Variants in PHACTR3 observed in about 807,000 individuals in gnomAD.
The protein encoded by PHACTR3 is phosphatase and actin regulator 3.
A neutral mutation model predicts 66.8 loss-of-function variants in PHACTR3; 16 were observed. The observed-to-expected ratio is 0.24, with a 90% CI of 0.16 to 0.36. The LOEUF (loss-of-function observed/expected upper bound fraction) is 0.36, where lower values mean the gene tolerates loss of function less well. Among genes scored for constraint, PHACTR3 ranks in the 10% least tolerant of loss-of-function variants. PHACTR3 has a pLI of 1.00. For synonymous variants in PHACTR3, 323 were observed against 292.1 expected, an observed-to-expected ratio of 1.11 and a Z score of -1.08; for missense variants, 647 against 719.9, an observed-to-expected ratio of 0.90 and a Z score of 1.16.
At chr20:59,629,026 C>T (rs1403792550) in intron 1 of PHACTR3, among the ~76,000 whole-genome samples, 1 of 152,184 alleles carries the variant, frequency 6.6e-6, no homozygotes, top group Non-Finnish European at 1.5e-5. Flanking sequence ...CGAATTCCAC[C>T]AGGTTTTGCA....
At chr20:59,662,460 A>G (rs1296524676) in intron 1 of PHACTR3, among the ~76,000 whole-genome samples, 1 of 152,054 alleles carries the variant, frequency 6.6e-6, no homozygotes, top group Non-Finnish European at 1.5e-5. Flanking sequence ...AGCAGGAGAG[A>G]GCAGGATGTA....
chr20:59,841,677 T>C, intron 11 of PHACTR3, 142 bp downstream of exon 11: 1 of 905,256 alleles, frequency 1.1e-6, no homozygotes, highest in Non-Finnish European at 1.6e-6. Flanking sequence ...TTCTCAAAGA[T>C]AATTCAGGGT....
At chr20:59,747,109 AAG>A (rs2039399401) in intron 2 of PHACTR3, among the ~76,000 whole-genome samples, 1 of 152,212 alleles carries the variant, frequency 6.6e-6, no homozygotes, top group African/African-American at 2.4e-5. Flanking sequence ...GCCGTCGCTC[AAG>A]AGTGTTTTGC....
intron 1 of PHACTR3, among the ~76,000 whole-genome samples, chr20:59,609,543 C>T (rs2033786966): frequency 6.6e-6 from 1 of 150,438 alleles, no homozygotes; most frequent in Non-Finnish European, 1.5e-5. Flanking sequence ...AACCTCAACA[C>T]TGAGTCTTGG....
At chr20:59,835,058 A>G (rs1482766984) in intron 8 of PHACTR3, among the ~76,000 whole-genome samples, 5 of 152,204 alleles carry the variant, frequency 3.3e-5, no homozygotes. Flanking sequence ...GCTCTAGACT[A>G]TGAGCTTCCC....
intron 7 of PHACTR3, among the ~76,000 whole-genome samples, chr20:59,788,700 T>C (rs1216196044): frequency 6.6e-6 from 1 of 152,174 alleles, no homozygotes; most frequent in East Asian, 1.9e-4. Context: ...TTGTCCACTG[T>C]CCCTGCAGAG....
At chr20:59,807,436 C>T (rs528312410) in intron 8 of PHACTR3, among the ~76,000 whole-genome samples, 4 of 152,328 alleles carry the variant, frequency 2.6e-5, no homozygotes, top group East Asian at 1.9e-4. Context: ...GCTGTCATCT[C>T]CTATGAGAAC....
intron 1 of PHACTR3, among the ~76,000 whole-genome samples, chr20:59,684,288 G>C (rs1297509512): frequency 2.0e-5 from 3 of 152,144 alleles, no homozygotes; most frequent in African/African-American, 7.2e-5. Context: ...GACATTATAG[G>C]CTTTCCTCAA....
chr20:59,711,172 T>A (rs573207980), intron 1 of PHACTR3, among the ~76,000 whole-genome samples: 1 of 152,332 alleles, frequency 6.6e-6, no homozygotes, highest in Admixed American at 6.5e-5. Context: ...AATACATAAT[T>A]TTCACTGGAT....
chr20:59,716,238 G>C (rs2038087375), intron 1 of PHACTR3, among the ~76,000 whole-genome samples: 1 of 150,666 alleles, frequency 6.6e-6, no homozygotes, highest in African/African-American at 2.4e-5. Flanking sequence ...GTGTGTGTGT[G>C]TGTGTGTGTG....
intron 3 of PHACTR3, among the ~76,000 whole-genome samples, chr20:59,753,841 T>C (rs2039686388): frequency 6.6e-6 from 1 of 152,220 alleles, no homozygotes; most frequent in African/African-American, 2.4e-5. Flanking sequence ...AGGGACACTG[T>C]TGAAGGACAC....
intron 7 of PHACTR3, among the ~76,000 whole-genome samples, chr20:59,796,588 T>A (rs2041257232): frequency 6.6e-6 from 1 of 152,184 alleles, no homozygotes; most frequent in Admixed American, 6.5e-5. Flanking sequence ...GGAAAGATTG[T>A]ATTTCCTCCA....
intron 3 of PHACTR3, among the ~76,000 whole-genome samples, chr20:59,750,368 G>T (rs185001476): frequency 6.6e-6 from 1 of 152,242 alleles, no homozygotes; most frequent in East Asian, 1.9e-4. Context: ...TGCGCTGGGC[G>T]TGGGACCCAG....
chr20:59,640,155 AG>A (rs1426061849), intron 1 of PHACTR3, among the ~76,000 whole-genome samples: 1 of 152,224 alleles, frequency 6.6e-6, no homozygotes, highest in Non-Finnish European at 1.5e-5. Context: ...TCAGCAGCTG[AG>A]CAATATTGGG....
chr20:59,612,912 G>T (rs1019270146), intron 1 of PHACTR3, among the ~76,000 whole-genome samples: 1 of 152,190 alleles, frequency 6.6e-6, no homozygotes, highest in African/African-American at 2.4e-5. Context: ...GGGGGAGCCA[G>T]CACATCACAC....
intron 8 of PHACTR3, among the ~76,000 whole-genome samples, chr20:59,814,832 C>G (rs2041840393): frequency 6.6e-6 from 1 of 152,086 alleles, no homozygotes; most frequent in Non-Finnish European, 1.5e-5. Flanking sequence ...GTCTGGAAAC[C>G]CATTTTTTCT....
At chr20:59,674,873 T>TC (rs1429137810) in intron 1 of PHACTR3, among the ~76,000 whole-genome samples, 3 of 85,062 alleles carry the variant, frequency 3.5e-5, no homozygotes, top group African/African-American at 5.7e-5. Flanking sequence ...CCTTCTCCTG[T>TC]CCCCCGCTTC....
rs1434812424 is a variant in PHACTR3, at chr20:59,738,910, C to A, written c.119-4197C>A. The stretch of plus-strand genomic sequence containing the variant: ...GACCTAGCCCATCCTTCCCCTCGTG[C>A]AAAGCATGCTCAGGACAGCAGGCTT... On this transcript the variant is annotated intron_variant, in intron 1 of 12. Transcript: ENST00000371015. This position sits in a 1 kb window ranked among gnomAD's most constrained non-coding sequence, Gnocchi z 4.4. Among the ~76,000 whole-genome samples the A allele has an allele frequency of 6.6e-6, 1 of 152,158 alleles. No individual in the cohort carries two copies. The highest frequency in any genetic ancestry group is 1.5e-5 in the Non-Finnish European group (1 of 68,020).
At position 59,847,260 on chromosome 20, in the gene PHACTR3, C is replaced by A. The variant is rs539971638; in HGVS notation, c.*130C>A. 2 of 606,600 alleles carry A rather than the reference C, an allele frequency of 3.3e-6. No individual in the cohort carries two copies. The highest frequency in any genetic ancestry group is 2.4e-5 in the South Asian group (1 of 42,312). The allele number at this position is 606,600 out of a possible 1,614,324, so 37.6% of individuals were successfully genotyped here. A position where few individuals can be genotyped will look rare whatever the true frequency, so the allele number is the denominator to read the frequency against. Reference sequence around the variant, plus strand: ...TGTTTGTGAGAAGAGTAGGATCACACACACAGGTGCAATCTTGACCACACT... The same window carrying A: ...TGTTTGTGAGAAGAGTAGGATCACAAACACAGGTGCAATCTTGACCACACT... On this transcript the variant is annotated 3_prime_UTR_variant, in exon 13 of 13. Coordinates refer to ENST00000371015, the MANE Select transcript of PHACTR3 (RefSeq NM_080672.5).
Sources: gnomAD v4.1 joint callset for allele counts (sites outside exome capture counted in the v4.1 genomes callset) on GRCh38, gnomAD v4.1.1 for gene constraint, Gnocchi (gnomAD v3.1) non-coding constraint, MANE v1.5 for transcripts, NCBI Gene and HGNC (gene_info 2026-07-23, HGNC 2026-07-21) for gene names.